The following GBE1 variants were observed in gnomAD, a reference collection of about 807,000 sequenced individuals.
The protein encoded by GBE1 is 1,4-alpha-glucan-branching enzyme.
In GBE1, 70 loss-of-function variants were observed where a neutral mutation model predicts 88.8. That is an observed-to-expected ratio of 0.79 (90% CI 0.65 to 0.96). The LOEUF (loss-of-function observed/expected upper bound fraction) is 0.96. Among genes scored for constraint, GBE1 ranks in the 40% least tolerant of loss-of-function variants. The pLI, the probability that GBE1 is intolerant of heterozygous loss-of-function variation, is 0.00. For missense variants in GBE1, 872 were observed against 871.0 expected (o/e 1.00, Z -0.01); for synonymous variants, 284 against 300.1 (o/e 0.95, Z 0.56).
At chr3:81,600,703 A>G (rs1414038962) in intron 7 of GBE1, among the ~76,000 whole-genome samples, 1 of 152,204 alleles carries the variant, frequency 6.6e-6, no homozygotes. Flanking sequence ...CAAGGAAAAC[A>G]CTACTATAAT....
At chr3:81,627,768 A>ATAT (rs1559668303) in intron 7 of GBE1, among the ~76,000 whole-genome samples, 1 of 67,910 alleles carries the variant, frequency 1.5e-5, no homozygotes. Flanking sequence ...TATATATATA[A>ATAT]AAAACATATA....
chr3:81,612,904 C>A, intron 7 of GBE1: 1 of 390,476 alleles, frequency 2.6e-6, no homozygotes, highest in Non-Finnish European at 4.9e-6. Context: ...TACTTGGTTC[C>A]TGATATGGAT....
intron 2 of GBE1, among the ~76,000 whole-genome samples, chr3:81,673,782 CT>C (rs987514839): frequency 1.3e-5 from 2 of 151,850 alleles, no homozygotes; most frequent in African/African-American, 2.4e-5. Flanking sequence ...CTGTAAAAAA[CT>C]TTTTTTCTTT....
chr3:81,631,475 A>G (rs893501682), intron 7 of GBE1, among the ~76,000 whole-genome samples: 9 of 151,948 alleles, frequency 5.9e-5, no homozygotes, highest in Non-Finnish European at 1.2e-4. Context: ...GGTGGCTCAC[A>G]CCTGTAATCC....
intron 2 of GBE1, among the ~76,000 whole-genome samples, chr3:81,699,733 T>C (rs1420585028): frequency 6.6e-6 from 1 of 152,136 alleles, no homozygotes; most frequent in Non-Finnish European, 1.5e-5. Context: ...GCCCACCAGA[T>C]TAAGGGTGGA....
intron 7 of GBE1, among the ~76,000 whole-genome samples, chr3:81,629,923 G>A (rs1359875247): frequency 7.2e-6 from 1 of 138,206 alleles, no homozygotes; most frequent in Non-Finnish European, 1.5e-5. Flanking sequence ...GTGTCCATGT[G>A]TTCTCATTGT....
At chr3:81,709,354 A>G (rs1705822395) in intron 1 of GBE1, among the ~76,000 whole-genome samples, 1 of 152,134 alleles carries the variant, frequency 6.6e-6, no homozygotes, top group Non-Finnish European at 1.5e-5. Flanking sequence ...TCAGTCATCT[A>G]TACTTCTTGG....
intron 12 of GBE1, among the ~76,000 whole-genome samples, chr3:81,569,863 G>A (rs907449432): frequency 5.3e-5 from 8 of 151,830 alleles, no homozygotes; most frequent in Non-Finnish European, 7.4e-5. Context: ...TGCCCAGGCC[G>A]GAGTGTAATG....
At chr3:81,547,625 T>TTC (rs56681369) in intron 12 of GBE1, among the ~76,000 whole-genome samples, 3,925 of 138,292 alleles carry the variant, frequency 0.028, 99 homozygotes, top group South Asian at 0.078. Flanking sequence ...GGTTCGTTTG[T>TTC]TCTCTCTCTC....
At chr3:81,732,370 G>C (rs1481052650) in intron 1 of GBE1, among the ~76,000 whole-genome samples, 1 of 152,052 alleles carries the variant, frequency 6.6e-6, no homozygotes, top group Non-Finnish European at 1.5e-5. Flanking sequence ...CCAAATAAGT[G>C]TGGTCTTTGT....
At chr3:81,734,752 T>C (rs1706237538) in intron 1 of GBE1, among the ~76,000 whole-genome samples, 1 of 152,126 alleles carries the variant, frequency 6.6e-6, no homozygotes, top group Non-Finnish European at 1.5e-5. Flanking sequence ...CTAATCTAAC[T>C]GGCACAGCAA....
chr3:81,626,812 A>G (rs1476318369), intron 7 of GBE1, among the ~76,000 whole-genome samples: 2 of 151,472 alleles, frequency 1.3e-5, no homozygotes, highest in Non-Finnish European at 2.9e-5. Flanking sequence ...AAAATGAAGT[A>G]TTATTATATA....
intron 12 of GBE1, among the ~76,000 whole-genome samples, chr3:81,552,524 A>T (rs1474118921): frequency 4.4e-4 from 64 of 145,922 alleles, no homozygotes; most frequent in African/African-American, 1.5e-3. Flanking sequence ...CTTATATAAA[A>T]AAAAAAAAAA....
At position 81,578,163 on chromosome 3, in the gene GBE1, G is replaced by A. The variant is rs980753122; in HGVS notation, c.1447-67C>T. On this transcript the variant is annotated intron_variant, in intron 11 of 15. Transcript: ENST00000429644. ...TGCTAAGTAGTTGTGATTTACAATA[G>A]AACAATGCATGGTTACAAATGTTAG... 7 of 1,083,142 alleles carry A rather than the reference G, an allele frequency of 6.5e-6. No homozygotes were observed. In the African/African-American group the frequency reaches 1.1e-4, roughly 18 times the overall value. The allele number at this position is 1,083,142 out of a possible 1,614,324, so 67.1% of individuals were successfully genotyped here. A position where few individuals can be genotyped will look rare whatever the true frequency, so the allele number is the denominator to read the frequency against.
intron 3 of GBE1, among the ~76,000 whole-genome samples, chr3:81,666,339 A>C (rs1306789762): frequency 6.6e-6 from 1 of 152,210 alleles, no homozygotes; most frequent in East Asian, 1.9e-4. Flanking sequence ...TTTTCTTTCC[A>C]TATTTTTTAA....
chr3:81,649,798 C>T lies in GBE1; in HGVS notation c.553G>A (p.Glu185Lys). ...WIHWDPEHSY[E>K]FKHSRPKKPR... ...ATTTAAAGATTTGTTGTTCTCACCT[C>T]ATATGAGTGTTCTGGATCCCAGTGT... is the stretch of plus-strand genomic sequence containing the variant. Residue 185 changes from glutamate to lysine, a missense_variant and splice_region_variant, in exon 4 of 16, where the codon GAG becomes AAG. Physicochemically the swap from Glu to Lys is moderately conservative, Grantham distance 56. Coordinates refer to ENST00000429644, the MANE Select transcript of GBE1 (RefSeq NM_000158.4). 1 of 1,606,488 alleles carries T rather than the reference C, an allele frequency of 6.2e-7. No homozygotes were observed. The highest frequency in any genetic ancestry group is 8.5e-7 in the Non-Finnish European group (1 of 1,176,142).
chr3:81,589,196 G>C (rs1001100926), intron 9 of GBE1, among the ~76,000 whole-genome samples: 1 of 151,900 alleles, frequency 6.6e-6, no homozygotes. Flanking sequence ...AACCATTCCA[G>C]AGGGAAAGAT....
chr3:81,735,473 C>A (rs1412784559), intron 1 of GBE1, among the ~76,000 whole-genome samples: 1 of 152,138 alleles, frequency 6.6e-6, no homozygotes, highest in Non-Finnish European at 1.5e-5. Context: ...AGGCTTGATG[C>A]AATCATGCAT....
Position 81,670,835 on chromosome 3 carries a change from T to C in GBE1, c.429+3A>G. ...CAAGAAAAAATAGGAGGGAGGAAAG[T>C]ACCTTTAATTTGGATCCATGAGGCA... On this transcript the variant is annotated splice_donor_region_variant and intron_variant, in intron 3 of 15. Transcript: ENST00000429644. 6.8e-7 allele frequency: 1 copy of C among 1,468,006 alleles called. No homozygotes were observed. Among genetic ancestry groups the C allele is most frequent in the Non-Finnish European group, 9.2e-7 (1 of 1,089,776 alleles). 90.9% of individuals were successfully genotyped at this position (1,468,006 alleles called of 1,614,324 possible).
Sources: gnomAD v4.1 joint callset for allele counts (sites outside exome capture counted in the v4.1 genomes callset) on GRCh38, gnomAD v4.1.1 for gene constraint, MANE v1.5 for transcripts, NCBI Gene and HGNC (gene_info 2026-07-23, HGNC 2026-07-21) for gene names.